The following INSR variants were observed in gnomAD, a reference collection of about 807,000 sequenced individuals.
INSR encodes the protein insulin receptor, also known as IR.
Under a neutral mutation model 142.6 loss-of-function variants are expected in INSR, and 67 were observed. That is an observed-to-expected ratio of 0.47 (90% CI 0.39 to 0.58). INSR has a LOEUF of 0.58. Ranked by LOEUF, INSR falls within the 20% of genes least tolerant of loss-of-function variation. INSR has a pLI of 0.00. For missense variants in INSR, 1,248 were observed against 1,833.2 expected (o/e 0.68, Z 5.83); for synonymous variants, 756 against 743.1 (o/e 1.02, Z -0.28).
intron 1 of INSR, among the ~76,000 whole-genome samples, chr19:7,285,254 C>G (rs1009841697): frequency 1.3e-5 from 2 of 151,922 alleles, no homozygotes; most frequent in African/African-American, 4.8e-5. Flanking sequence ...AGTTTGAGAC[C>G]AGCCTGACCA....
chr19:7,156,510 G>A (rs920065113), intron 9 of INSR, among the ~76,000 whole-genome samples: 12 of 152,172 alleles, frequency 7.9e-5, no homozygotes, highest in Middle Eastern at 3.4e-3. Context: ...TGGCTGGGGC[G>A]TCCTCCTGGA....
intron 1 of INSR, 78 bp downstream of exon 1, chr19:7,293,714 G>C (rs934768222): frequency 4.2e-6 from 5 of 1,187,196 alleles, no homozygotes; most frequent in African/African-American, 1.6e-5. Flanking sequence ...GTCCACAAGC[G>C]GGGGCTCGAT....
rs72990436 is a variant in INSR, at chr19:7,132,560, G to A, written c.2683-243C>T. 0.044 allele frequency among the ~76,000 whole-genome samples: 6,636 copies of A among 152,014 alleles called. 211 individuals are homozygous for A. The highest frequency in any genetic ancestry group is 0.068 in the Non-Finnish European group (4,635 of 67,976). ...AGCCAGACTTCCTAAGCCAGAAGCT[G>A]AGCATTAAACCCTGATGGTTTCTTT... On this transcript the variant is annotated intron_variant, in intron 13 of 21. Transcript: ENST00000302850.
At chr19:7,198,007 GGC>G (rs1359880530) in intron 2 of INSR, among the ~76,000 whole-genome samples, 3 of 125,234 alleles carry the variant, frequency 2.4e-5, no homozygotes, top group Non-Finnish European at 5.4e-5. Context: ...GTCCATGGTG[GGC>G]GAGCGTGTGT....
chr19:7,186,737 C>T (rs1301314618), intron 2 of INSR, among the ~76,000 whole-genome samples: 1 of 151,822 alleles, frequency 6.6e-6, no homozygotes, highest in Non-Finnish European at 1.5e-5. Flanking sequence ...TGGAGTCTTG[C>T]TTTGTTGCCC....
At chr19:7,241,326 A>G (rs1035015937) in intron 2 of INSR, among the ~76,000 whole-genome samples, 28 of 151,896 alleles carry the variant, frequency 1.8e-4, no homozygotes, top group African/African-American at 6.8e-4. Context: ...CTACAAGAAC[A>G]TGCCGCCACC....
At chr19:7,249,180 T>C (rs925883914) in intron 2 of INSR, among the ~76,000 whole-genome samples, 7 of 152,108 alleles carry the variant, frequency 4.6e-5, no homozygotes, top group African/African-American at 1.7e-4. Context: ...ATCAAATTCA[T>C]CCTTCCCTGG....
chr19:7,221,599 T>C (rs544744381), intron 2 of INSR, among the ~76,000 whole-genome samples: 1 of 151,796 alleles, frequency 6.6e-6, no homozygotes, highest in East Asian at 1.9e-4. Context: ...TCCCAGCTAC[T>C]TGGGACGCTG....
chr19:7,259,689 C>T (rs533674821), intron 2 of INSR, among the ~76,000 whole-genome samples: 28 of 152,002 alleles, frequency 1.8e-4, no homozygotes, highest in African/African-American at 6.5e-4. Flanking sequence ...CATGGTGGCA[C>T]GTGCCTGTAA....
At chr19:7,194,712 G>A (rs894857124) in intron 2 of INSR, among the ~76,000 whole-genome samples, 2 of 144,106 alleles carry the variant, frequency 1.4e-5, no homozygotes, top group Non-Finnish European at 3.0e-5. Flanking sequence ...GTGGAGAAGC[G>A]GTTTCACCAT....
rs1297426453 is a variant in INSR at position 7,184,341 on chromosome 19, A to G, written c.949T>C (p.Ser317Pro). Residue 317 changes from serine (S) to proline (P), a missense_variant, in exon 3 of 22, where the codon TCC (serine) becomes CCC (proline). Around this residue, in one of 3 missense-constraint regions of INSR, gnomAD observed 1,069 missense variants for 1,654.0 expected, o/e 0.65. Coordinates refer to ENST00000302850, the MANE Select transcript of INSR (RefSeq NM_000208.4). ...HNNKCIPECP[S>P]GYTMNSSNLL... ...TTGCTGGAATTCATCGTGTACCCGG[A>G]GGGACACTCAGGGATGCACTTGTTG... 1 of 1,613,690 alleles carries G rather than the reference A, an allele frequency of 6.2e-7. No individual in the cohort carries two copies. Among genetic ancestry groups the G allele is most frequent in the Non-Finnish European group, 8.5e-7 (1 of 1,179,984 alleles).
At chr19:7,230,143 C>T (rs1256466525) in intron 2 of INSR, among the ~76,000 whole-genome samples, 1 of 152,042 alleles carries the variant, frequency 6.6e-6, no homozygotes, top group Non-Finnish European at 1.5e-5. Context: ...GCTCGCACAG[C>T]ACCTGGCTCT....
intron 1 of INSR, among the ~76,000 whole-genome samples, chr19:7,274,804 CAAAAAAA>C (rs772807729): frequency 1.2e-5 from 1 of 83,162 alleles, no homozygotes; most frequent in Non-Finnish European, 2.4e-5. Flanking sequence ...GACTGTGTCT[CAAAAAAA>C]AAAAAAAAAA....
At chr19:7,153,385 C>CA (rs1973490903) in intron 9 of INSR, among the ~76,000 whole-genome samples, 2 of 2,162 alleles carry the variant, frequency 9.3e-4, no homozygotes, top group African/African-American at 1.2e-3. Context: ...ACCATACACG[C>CA]ACCACACACA....
Position 7,116,954 on chromosome 19 carries a change from G to A in INSR, c.*102C>T, listed in dbSNP as rs765415858. ...ATAGGAACGATCTCTGAACTCCATTGGACATGGTAGAGTCGTGAGAATCCT... is the reference window on the plus strand; with the variant it reads ...ATAGGAACGATCTCTGAACTCCATTAGACATGGTAGAGTCGTGAGAATCCT... On this transcript the variant is annotated 3_prime_UTR_variant, in exon 22 of 22. Coordinates refer to ENST00000302850, the MANE Select transcript of INSR (RefSeq NM_000208.4). 10 of 926,792 alleles carry A rather than the reference G, an allele frequency of 1.1e-5. No homozygotes were observed. Among genetic ancestry groups the A allele is most frequent in the Non-Finnish European group, 1.6e-5 (9 of 553,920 alleles). The allele number at this position is 926,792 out of a possible 1,614,324, so 57.4% of individuals were successfully genotyped here. A position where few individuals can be genotyped will look rare whatever the true frequency, so the allele number is the denominator to read the frequency against.
chr19:7,191,063 G>A (rs11671338), intron 2 of INSR, among the ~76,000 whole-genome samples: 93,354 of 151,846 alleles, frequency 0.61, 28,791 homozygotes, highest in Admixed American at 0.64. Context: ...TTGGGAGGCC[G>A]TGGCAGGTGG....
chr19:7,119,638 A>ACG lies in INSR; in HGVS notation c.3660-57_3660-56dup, dbSNP rs150182633. 8.5e-3 allele frequency: 13,306 copies of ACG among 1,567,630 alleles called. 68 individuals carry two copies. Among genetic ancestry groups the ACG allele is most frequent in the Non-Finnish European group, 0.01 (11,516 of 1,146,192 alleles). The stretch of plus-strand genomic sequence containing the variant: ...AGAAGCCATTTAGACACACACACAC[A>ACG]CGCGCGCGCGCAAACACACACACGC... On this transcript the variant is annotated intron_variant, in intron 20 of 21. Transcript: ENST00000302850. The surrounding 1 kb of genome is among the most constrained non-coding windows in gnomAD (Gnocchi z 5.2).
At chr19:7,280,036 C>T (rs1337952739) in intron 1 of INSR, among the ~76,000 whole-genome samples, 3 of 151,766 alleles carry the variant, frequency 2.0e-5, no homozygotes, top group Non-Finnish European at 2.9e-5. Flanking sequence ...GAGGCCGAGG[C>T]GGGCGGATCA....
At chr19:7,259,237 C>T (rs534348783) in intron 2 of INSR, among the ~76,000 whole-genome samples, 1 of 123,746 alleles carries the variant, frequency 8.1e-6, no homozygotes, top group Non-Finnish European at 1.9e-5. Context: ...ACCAACTTCC[C>T]GCAATGACAT....
Sources: allele counts gnomAD v4.1 joint callset (sites outside exome capture counted in the v4.1 genomes callset), GRCh38; gene constraint gnomAD v4.1.1; regional missense constraint gnomAD v4.1.1; non-coding constraint Gnocchi (gnomAD v3.1); transcripts MANE v1.5; gene names NCBI Gene and HGNC (gene_info 2026-07-23, HGNC 2026-07-21).